MALRD1: variants seen among roughly 807,000 people sequenced by gnomAD.
MALRD1 encodes the protein MAM and LDL receptor class A domain containing 1.
Under a neutral mutation model 242.1 loss-of-function variants are expected in MALRD1, and 247 were observed. The observed-to-expected ratio is 1.02, with a 90% CI of 0.92 to 1.13. The LOEUF (loss-of-function observed/expected upper bound fraction) is 1.13. Among genes scored for constraint, MALRD1 ranks in the 50% most tolerant of loss-of-function variants. The pLI is 0.00. For missense variants in MALRD1, 2,989 were observed against 2,533.1 expected (o/e 1.18, Z -3.86); for synonymous variants, 995 against 866.6 (o/e 1.15, Z -2.60).
chr10:19,134,755 A>T (rs1041735655), intron 9 of MALRD1, among the ~76,000 whole-genome samples: 1 of 152,190 alleles, frequency 6.6e-6, no homozygotes, highest in Non-Finnish European at 1.5e-5. Flanking sequence ...TAAACTGAAG[A>T]TTAAATTTTG....
At chr10:19,138,823 A>G (rs79208811) in intron 10 of MALRD1, among the ~76,000 whole-genome samples, 1,579 of 152,302 alleles carry the variant, frequency 0.01, 25 homozygotes, top group African/African-American at 0.036. Flanking sequence ...TTGATTTTCG[A>G]CATATTTTCT....
At chr10:19,622,507 A>G (rs1410912453) in intron 36 of MALRD1, among the ~76,000 whole-genome samples, 2 of 151,874 alleles carry the variant, frequency 1.3e-5, no homozygotes, top group Admixed American at 1.3e-4. Context: ...TCAACATCGT[A>G]AAGGTGTTAC....
At chr10:19,155,391 G>A (rs572216458) in intron 12 of MALRD1, among the ~76,000 whole-genome samples, 34 of 152,136 alleles carry the variant, frequency 2.2e-4, no homozygotes, top group Admixed American at 6.6e-5. Context: ...AAAGCTTTCT[G>A]TTGTTTTATA....
intron 25 of MALRD1, among the ~76,000 whole-genome samples, chr10:19,350,288 T>TTTAG (rs1844318475): frequency 6.7e-6 from 1 of 149,354 alleles, no homozygotes; most frequent in Non-Finnish European, 1.5e-5. Flanking sequence ...TTTTTTTTTT[T>TTTAG]GAGATGGAGT....
chr10:19,360,933 T>C (rs1291788037), intron 26 of MALRD1, among the ~76,000 whole-genome samples: 1 of 152,096 alleles, frequency 6.6e-6, no homozygotes, highest in Non-Finnish European at 1.5e-5. Flanking sequence ...AATTCATTCT[T>C]TCATATAGCT....
intron 13 of MALRD1, among the ~76,000 whole-genome samples, chr10:19,167,701 G>A (rs180807806): frequency 1.3e-5 from 2 of 152,272 alleles, no homozygotes; most frequent in African/African-American, 4.8e-5. Flanking sequence ...CATGCCTCCT[G>A]AGGACAGGCT....
chr10:19,327,398 C>A (rs1005960491), intron 22 of MALRD1, among the ~76,000 whole-genome samples, 165 bp from the exon 23 acceptor site: 2 of 151,732 alleles, frequency 1.3e-5, no homozygotes, highest in African/African-American at 4.8e-5. Context: ...GGGCACAATG[C>A]TGTAGAAAAC....
At chr10:19,103,951 T>G in intron 4 of MALRD1, 28 bp from the exon 5 acceptor site, 1 of 1,200,832 alleles carries the variant, frequency 8.3e-7, no homozygotes, top group Non-Finnish European at 1.0e-6. Context: ...ATGTTTTTGT[T>G]TTGTTTTGTT....
chr10:19,472,759 A>T (rs1037653984), intron 29 of MALRD1, among the ~76,000 whole-genome samples: 1 of 151,524 alleles, frequency 6.6e-6, no homozygotes, highest in African/African-American at 2.4e-5. Context: ...CATTTATAAT[A>T]TTATTTATGT....
At chr10:19,720,014 T>G (rs1293952984) in intron 38 of MALRD1, among the ~76,000 whole-genome samples, 1 of 152,172 alleles carries the variant, frequency 6.6e-6, no homozygotes, top group Non-Finnish European at 1.5e-5. Flanking sequence ...CTCAACTTAT[T>G]TCTTCTATTA....
At chr10:19,449,243 C>T (rs558372098) in intron 28 of MALRD1, among the ~76,000 whole-genome samples, 96 of 152,320 alleles carry the variant, frequency 6.3e-4, no homozygotes, top group African/African-American at 2.2e-3. Context: ...GTGGCGCGAT[C>T]TCAGCTCACT....
intron 2 of MALRD1, among the ~76,000 whole-genome samples, chr10:19,078,982 T>A (rs916811217): frequency 2.6e-5 from 4 of 151,574 alleles, no homozygotes; most frequent in South Asian, 2.1e-4. Flanking sequence ...TTAATTTTTT[T>A]ATTGTTTTTG....
At chr10:19,343,709 G>A (rs1415458098) in intron 24 of MALRD1, among the ~76,000 whole-genome samples, 1 of 152,056 alleles carries the variant, frequency 6.6e-6, no homozygotes, top group African/African-American at 2.4e-5. Context: ...GCTTAGTCAT[G>A]TTTCATGCTA....
intron 26 of MALRD1, among the ~76,000 whole-genome samples, chr10:19,382,304 C>A (rs1845869651): frequency 1.3e-5 from 2 of 151,852 alleles, no homozygotes; most frequent in African/African-American, 2.4e-5. Flanking sequence ...TAGTGTGATG[C>A]ATGGGATGAC....
chr10:19,540,368 C>T (rs1423174829), intron 32 of MALRD1, among the ~76,000 whole-genome samples: 1 of 152,000 alleles, frequency 6.6e-6, no homozygotes, highest in Non-Finnish European at 1.5e-5. Flanking sequence ...AGACACGTGG[C>T]ACCCACAGTG....
At chr10:19,202,473 G>A (rs1310523397) in intron 14 of MALRD1, among the ~76,000 whole-genome samples, 1 of 152,078 alleles carries the variant, frequency 6.6e-6, no homozygotes, top group African/African-American at 2.4e-5. Context: ...TTATCATTGG[G>A]TTAAAATGCT....
chr10:19,238,566 A>T (rs1317619096), intron 18 of MALRD1, among the ~76,000 whole-genome samples: 4 of 81,454 alleles, frequency 4.9e-5, no homozygotes, highest in Non-Finnish European at 9.8e-5. Context: ...ATTATATATA[A>T]TATACATAAT....
chr10:19,218,842 T>C (rs888615781), intron 18 of MALRD1, among the ~76,000 whole-genome samples: 6 of 152,090 alleles, frequency 3.9e-5, no homozygotes, highest in Non-Finnish European at 8.8e-5. Flanking sequence ...ACTAAGGAGA[T>C]ATTATACTGA....
intron 32 of MALRD1, among the ~76,000 whole-genome samples, chr10:19,563,932 C>T (rs562113872): frequency 2.2e-4 from 33 of 152,148 alleles, no homozygotes; most frequent in African/African-American, 6.3e-4. Flanking sequence ...TGTGGCACAC[C>T]GCCCGCCTCC....
Sources: gnomAD v4.1 joint callset for allele counts (sites outside exome capture counted in the v4.1 genomes callset) on GRCh38, gnomAD v4.1.1 for gene constraint, MANE v1.5 for transcripts, NCBI Gene and HGNC (gene_info 2026-07-23, HGNC 2026-07-21) for gene names.